Variants in KCND2 observed in about 807,000 individuals in gnomAD.
KCND2 encodes the protein potassium voltage-gated channel subfamily D member 2, also known as A-type voltage-gated potassium channel KCND2.
KCND2 carries 16 observed loss-of-function variants against 54.4 expected under a neutral mutation model. The ratio of observed to expected loss-of-function variants is 0.29; its 90% confidence interval spans 0.20 to 0.45. The LOEUF (loss-of-function observed/expected upper bound fraction) is 0.45, where lower values mean the gene tolerates loss of function less well. Ranked by LOEUF, KCND2 falls within the 20% of genes least tolerant of loss-of-function variation. The pLI is 1.00. For missense variants in KCND2, 486 were observed against 824.2 expected (o/e 0.59, Z 5.02); for synonymous variants, 317 against 310.7 (o/e 1.02, Z -0.21).
At position 120,730,235 on chromosome 7, in the gene KCND2, G is replaced by A. The variant is rs115103410; in HGVS notation, c.1116-2668G>A. ...TTTTAAAAGCCGTGTGTGTGTGTGCGCGCGTGCGTGTGTGTGTCTGTGTAT... is the reference window on the plus strand; with the variant it reads ...TTTTAAAAGCCGTGTGTGTGTGTGCACGCGTGCGTGTGTGTGTCTGTGTAT... On this transcript the variant is annotated intron_variant, in intron 1 of 5. Transcript: ENST00000331113. Among the ~76,000 whole-genome samples the A allele has an allele frequency of 9.2e-3, 1,400 of 152,098 alleles. 15 individuals are homozygous for A. The highest frequency in any genetic ancestry group is 0.032 in the African/African-American group (1,328 of 41,490).
intron 1 of KCND2, among the ~76,000 whole-genome samples, chr7:120,546,066 C>T (rs1792038779): frequency 6.6e-6 from 1 of 151,830 alleles, no homozygotes; most frequent in Admixed American, 6.6e-5. Flanking sequence ...TATAAAATAA[C>T]ATTCACAATA....
At chr7:120,486,970 C>A (rs1802704032) in intron 1 of KCND2, among the ~76,000 whole-genome samples, 1 of 152,090 alleles carries the variant, frequency 6.6e-6, no homozygotes, top group African/African-American at 2.4e-5. Context: ...TTTCAGTGTT[C>A]TTGACTGACA....
At chr7:120,687,267 G>T (rs1028102584) in intron 1 of KCND2, among the ~76,000 whole-genome samples, 2 of 152,052 alleles carry the variant, frequency 1.3e-5, no homozygotes, top group Admixed American at 6.6e-5. Flanking sequence ...TGGTTGCTGG[G>T]GGTTAAGGGG....
chr7:120,546,006 A>G lies in KCND2; in HGVS notation c.1116-186897A>G, dbSNP rs572189753. Among the ~76,000 whole-genome samples, 7 of 152,054 alleles carry G rather than the reference A, an allele frequency of 4.6e-5. No individual in the cohort carries two copies. In the South Asian group the frequency reaches 1.2e-3, roughly 27 times the overall value. On this transcript the variant is annotated intron_variant, in intron 1 of 5. Coordinates refer to ENST00000331113, the MANE Select transcript of KCND2 (RefSeq NM_012281.3). Reference sequence around the variant, plus strand: ...TAAACAAGAAATAAAATGATGGTGTATAAGGAGAGATTGCTCAAGAAACTT... The same window carrying G: ...TAAACAAGAAATAAAATGATGGTGTGTAAGGAGAGATTGCTCAAGAAACTT...
At chr7:120,654,213 G>T (rs115565943) in intron 1 of KCND2, among the ~76,000 whole-genome samples, 33 of 152,148 alleles carry the variant, frequency 2.2e-4, no homozygotes, top group African/African-American at 7.2e-4. Context: ...CGAGAATGCA[G>T]GATATTTGAT....
intron 1 of KCND2, among the ~76,000 whole-genome samples, chr7:120,432,991 T>C (rs1801816247): frequency 6.6e-6 from 1 of 152,124 alleles, no homozygotes; most frequent in Non-Finnish European, 1.5e-5. Context: ...CCTTTTACAC[T>C]CTGGCTCCTG....
At chr7:120,730,813 T>A (rs151284058) in intron 1 of KCND2, among the ~76,000 whole-genome samples, 97 of 152,246 alleles carry the variant, frequency 6.4e-4, no homozygotes, top group African/African-American at 2.3e-3. Flanking sequence ...TTCCTCTCCA[T>A]CTCCATATTG....
chr7:120,407,060 GAA>G (rs372804158), intron 1 of KCND2, among the ~76,000 whole-genome samples: 1 of 149,968 alleles, frequency 6.7e-6, no homozygotes, highest in African/African-American at 2.4e-5. Flanking sequence ...AATTCTCAAT[GAA>G]AAAAAAAATT....
At chr7:120,608,950 C>T (rs969230865) in intron 1 of KCND2, among the ~76,000 whole-genome samples, 4 of 152,072 alleles carry the variant, frequency 2.6e-5, no homozygotes, top group Non-Finnish European at 5.9e-5. Context: ...TGGTATTCCT[C>T]CTATGGAGTC....
chr7:120,293,130 G>A (rs1799459949), intron 1 of KCND2, among the ~76,000 whole-genome samples: 1 of 151,836 alleles, frequency 6.6e-6, no homozygotes, highest in African/African-American at 2.4e-5. Context: ...ATATTTTTAA[G>A]AAATTCTTGT....
intron 1 of KCND2, among the ~76,000 whole-genome samples, chr7:120,685,989 A>G (rs1792196464): frequency 1.3e-5 from 2 of 151,952 alleles, no homozygotes; most frequent in South Asian, 4.2e-4. Flanking sequence ...GATCCTCCCC[A>G]CTCCCCAAAC....
intron 1 of KCND2, among the ~76,000 whole-genome samples, chr7:120,515,127 C>T (rs1419432446): frequency 1.3e-5 from 2 of 152,036 alleles, no homozygotes; most frequent in Non-Finnish European, 2.9e-5. Flanking sequence ...TCACTCTTCC[C>T]ATTGGGTTAA....
intron 1 of KCND2, chr7:120,672,731 C>T (rs560082350): frequency 2.0e-5 from 3 of 152,124 alleles, no homozygotes; most frequent in Admixed American, 2.0e-4. Flanking sequence ...TGTTGAAACC[C>T]TAGCCCCCAG....
intron 1 of KCND2, among the ~76,000 whole-genome samples, chr7:120,670,312 CAT>C (rs1791976260): frequency 6.6e-6 from 1 of 152,070 alleles, no homozygotes; most frequent in Admixed American, 6.5e-5. Flanking sequence ...CAAATATAAA[CAT>C]GTGAAATATG....
chr7:120,675,370 A>T (rs530311021), intron 1 of KCND2, among the ~76,000 whole-genome samples: 35 of 151,270 alleles, frequency 2.3e-4, no homozygotes, highest in Middle Eastern at 6.9e-3. Context: ...GATTACAGGT[A>T]TGCACCACCA....
intron 1 of KCND2, among the ~76,000 whole-genome samples, chr7:120,405,671 A>G (rs974145013): frequency 6.6e-6 from 1 of 152,134 alleles, no homozygotes; most frequent in Non-Finnish European, 1.5e-5. Flanking sequence ...TATAGATATC[A>G]CATCAAAATC....
intron 1 of KCND2, among the ~76,000 whole-genome samples, chr7:120,604,127 T>G (rs1584850341): frequency 6.6e-6 from 1 of 152,164 alleles, no homozygotes; most frequent in Non-Finnish European, 1.5e-5. Flanking sequence ...ATTTAATAAA[T>G]TCTAAAATGT....
At chr7:120,738,886 A>G (rs912416752) in intron 2 of KCND2, among the ~76,000 whole-genome samples, 1 of 152,050 alleles carries the variant, frequency 6.6e-6, no homozygotes, top group Non-Finnish European at 1.5e-5. Flanking sequence ...TTCAACAGGC[A>G]TTTGTTGTGG....
chr7:120,450,578 C>T (rs1183571186), intron 1 of KCND2, among the ~76,000 whole-genome samples: 1 of 152,148 alleles, frequency 6.6e-6, no homozygotes, highest in African/African-American at 2.4e-5. Context: ...AGACACTAAA[C>T]AACTATGTAT....
Sources: allele counts gnomAD v4.1 joint callset (sites outside exome capture counted in the v4.1 genomes callset), GRCh38; gene constraint gnomAD v4.1.1; transcripts MANE v1.5; gene names NCBI Gene and HGNC (gene_info 2026-07-23, HGNC 2026-07-21).